NBAS: variants seen among roughly 807,000 people sequenced by gnomAD.
The protein encoded by NBAS is NAG/BC035112 fusion.
NBAS carries 219 observed loss-of-function variants against 302.5 expected under a neutral mutation model. That is an observed-to-expected ratio of 0.72 (90% confidence interval 0.65 to 0.81). The LOEUF is 0.81. Ranked by LOEUF, NBAS falls within the 30% of genes least tolerant of loss-of-function variation. The pLI is 0.00. For missense variants in NBAS, 2,932 were observed against 2,841.6 expected (o/e 1.03, Z -0.72); for synonymous variants, 1,118 against 1,021.6 (o/e 1.09, Z -1.80).
At chr2:14,820,554 G>GA in the NBAS span, among the ~76,000 whole-genome samples, 1 of 152,112 alleles carries the variant, frequency 6.6e-6, no homozygotes, top group South Asian at 2.1e-4. Flanking sequence ...GGTGGTGGAT[G>GA]ATTAATAGCT....
chr2:14,988,250 G>T, the NBAS span, among the ~76,000 whole-genome samples: 1 of 152,204 alleles, frequency 6.6e-6, no homozygotes, highest in South Asian at 2.1e-4. Flanking sequence ...TATCACTGAG[G>T]TTTATGTCCA....
At chr2:15,059,949 AAAAAAAAAAAAAAAC>A in the NBAS span, among the ~76,000 whole-genome samples, 4 of 96,760 alleles carry the variant, frequency 4.1e-5, no homozygotes, top group African/African-American at 2.3e-4. Flanking sequence ...AGTGCTGCTA[AAAAAAAAAAAAAAAC>A]AAAAAAAAAA....
intron 44 of NBAS, among the ~76,000 whole-genome samples, chr2:15,246,532 CT>C (rs1668102570): frequency 6.6e-6 from 1 of 152,186 alleles, no homozygotes; most frequent in Non-Finnish European, 1.5e-5. Flanking sequence ...CAACATGTCC[CT>C]GGAAAGTTGT....
the NBAS span, among the ~76,000 whole-genome samples, chr2:14,938,234 A>T: frequency 6.6e-6 from 1 of 152,224 alleles, no homozygotes; most frequent in East Asian, 1.9e-4. Context: ...ATTACAAATA[A>T]ATATAAAGAT....
chr2:15,231,907 T>C (rs1283307928), intron 47 of NBAS, among the ~76,000 whole-genome samples: 1 of 152,204 alleles, frequency 6.6e-6, no homozygotes, highest in African/African-American at 2.4e-5. Flanking sequence ...CTTTTTCTTA[T>C]CAGTATCATT....
chr2:15,189,958 G>A (rs1331012413), intron 49 of NBAS, among the ~76,000 whole-genome samples: 1 of 152,126 alleles, frequency 6.6e-6, no homozygotes, highest in Non-Finnish European at 1.5e-5. Flanking sequence ...TGTAAGCCGT[G>A]TCAAGACAGT....
chr2:15,047,135 G>A, the NBAS span, among the ~76,000 whole-genome samples: 1 of 152,250 alleles, frequency 6.6e-6, no homozygotes, highest in African/African-American at 2.4e-5. Flanking sequence ...TAAGTGATGA[G>A]GGTCCTGCCT....
the NBAS span, among the ~76,000 whole-genome samples, chr2:14,878,786 T>C: frequency 6.6e-6 from 1 of 152,322 alleles, no homozygotes; most frequent in East Asian, 1.9e-4. Flanking sequence ...TTACAGTTGA[T>C]GAACCTACAG....
chr2:14,879,162 T>G, the NBAS span, among the ~76,000 whole-genome samples: 1 of 152,244 alleles, frequency 6.6e-6, no homozygotes, highest in African/African-American at 2.4e-5. Flanking sequence ...CACTGAATAA[T>G]ATTCCATTGG....
chr2:15,313,648 A>G (rs1032473344), intron 38 of NBAS, among the ~76,000 whole-genome samples: 1 of 152,344 alleles, frequency 6.6e-6, no homozygotes, highest in African/African-American at 2.4e-5. Context: ...TGCAATTTTC[A>G]TTGCTACTGC....
At chr2:14,879,406 C>T in the NBAS span, among the ~76,000 whole-genome samples, 2 of 152,280 alleles carry the variant, frequency 1.3e-5, no homozygotes, top group South Asian at 4.1e-4. Flanking sequence ...TAAAGGTAGA[C>T]AAACAAGTTC....
chr2:15,312,086 G>A (rs1355532723), intron 38 of NBAS, among the ~76,000 whole-genome samples: 2 of 152,120 alleles, frequency 1.3e-5, no homozygotes, highest in African/African-American at 4.8e-5. Context: ...GGCACTGCCA[G>A]ATAGGCCTGC....
chr2:14,889,956 C>T, the NBAS span, among the ~76,000 whole-genome samples: 1 of 152,190 alleles, frequency 6.6e-6, no homozygotes, highest in Non-Finnish European at 1.5e-5. Context: ...CTAATATGTG[C>T]ATGTGGATGT....
the NBAS span, among the ~76,000 whole-genome samples, chr2:15,133,764 C>T: frequency 6.6e-6 from 1 of 152,078 alleles, no homozygotes; most frequent in African/African-American, 2.4e-5. Context: ...TTTTTAATTA[C>T]ATGTGGACTA....
chr2:14,929,961 T>G, the NBAS span, among the ~76,000 whole-genome samples: 1 of 152,196 alleles, frequency 6.6e-6, no homozygotes, highest in African/African-American at 2.4e-5. Context: ...TCTGGTTGTT[T>G]AAAAGTGTGT....
chr2:14,936,377 T>C, the NBAS span, among the ~76,000 whole-genome samples: 1 of 152,232 alleles, frequency 6.6e-6, no homozygotes, highest in Non-Finnish European at 1.5e-5. Flanking sequence ...TTAGAAAGTA[T>C]AAATATGCTA....
At chr2:14,825,235 C>G in the NBAS span, among the ~76,000 whole-genome samples, 1 of 152,160 alleles carries the variant, frequency 6.6e-6, no homozygotes, top group South Asian at 2.1e-4. Flanking sequence ...CGATGGGGCT[C>G]TGGCCACCTG....
At chr2:15,287,393 C>A (rs1670093463) in intron 41 of NBAS, among the ~76,000 whole-genome samples, 1 of 152,344 alleles carries the variant, frequency 6.6e-6, no homozygotes, top group South Asian at 2.1e-4. Context: ...TTACTAAGGA[C>A]TTGTCTAGAC....
chr2:15,491,878 A>T (rs1237547222), intron 11 of NBAS, among the ~76,000 whole-genome samples: 1 of 152,244 alleles, frequency 6.6e-6, no homozygotes, highest in Non-Finnish European at 1.5e-5. Context: ...GTTTTGTGAT[A>T]GGAGCCTCAT....
Sources: allele counts gnomAD v4.1 joint callset (sites outside exome capture counted in the v4.1 genomes callset), GRCh38; gene constraint gnomAD v4.1.1; transcripts MANE v1.5; gene names NCBI Gene and HGNC (gene_info 2026-07-23, HGNC 2026-07-21).